CDYL: variants seen among roughly 807,000 people sequenced by gnomAD.
CDYL encodes chromodomain Y-like protein.
A neutral mutation model predicts 47.3 loss-of-function variants in CDYL; 8 were observed. The observed-to-expected ratio is 0.17, with a 90% CI of 0.10 to 0.31. CDYL has a LOEUF of 0.31. Among genes scored for constraint, CDYL ranks in the 10% least tolerant of loss-of-function variants. The probability of loss-of-function intolerance (pLI) is 1.00; values close to 1 mark genes in which losing one functional copy is unlikely to be tolerated. For missense variants in CDYL, 471 were observed against 701.4 expected, an observed-to-expected ratio of 0.67 and a Z score of 3.71; for synonymous variants, 266 against 265.0, an observed-to-expected ratio of 1.00 and a Z score of -0.04.
chr6:4,876,257 T>A (rs1761618269), intron 1 of CDYL, among the ~76,000 whole-genome samples: 1 of 152,240 alleles, frequency 6.6e-6, no homozygotes, highest in East Asian at 1.9e-4. Flanking sequence ...TGAAAACGTG[T>A]GCTGTTTCTA....
chr6:4,770,077 T>C (rs1561842516), intron 3 of CDYL, among the ~76,000 whole-genome samples: 1 of 151,930 alleles, frequency 6.6e-6, no homozygotes, highest in Non-Finnish European at 1.5e-5. Context: ...GACCTCGTGA[T>C]CCACCAGCCT....
At chr6:4,913,689 A>G (rs749720492) in intron 2 of CDYL, among the ~76,000 whole-genome samples, 14 of 152,222 alleles carry the variant, frequency 9.2e-5, no homozygotes, top group Non-Finnish European at 1.9e-4. Flanking sequence ...CGTCTAGTCT[A>G]GGGATCAGCA....
chr6:4,720,043 C>T (rs550381999), intron 2 of CDYL, among the ~76,000 whole-genome samples: 48 of 152,302 alleles, frequency 3.2e-4, no homozygotes, highest in African/African-American at 1.1e-3. Flanking sequence ...ATCTTTACTG[C>T]ATTATTAATC....
rs181036576 is a variant in CDYL, at chr6:4,782,352, C to G, written c.24+5545C>G. On this transcript the variant is annotated intron_variant, in intron 1 of 6. Coordinates refer to ENST00000397588, the MANE Select transcript of CDYL (RefSeq NM_004824.4). ...CAATCGTTGCATAATTGTTGAGTTA[C>G]TTTAATGGAAGAGTGAATTACAGGA... Among the ~76,000 whole-genome samples, 9 of 152,286 alleles carry G rather than the reference C, an allele frequency of 5.9e-5. No homozygotes were observed. In the East Asian group the frequency reaches 1.7e-3, roughly 29 times the overall value.
chr6:4,893,368 C>CCT (rs1186437949), intron 2 of CDYL, among the ~76,000 whole-genome samples: 1 of 152,214 alleles, frequency 6.6e-6, no homozygotes, highest in African/African-American at 2.4e-5. Context: ...CTGGCCCTCT[C>CCT]CTCTCTCTCC....
At chr6:4,840,091 C>T (rs948052786) in intron 1 of CDYL, among the ~76,000 whole-genome samples, 3 of 152,098 alleles carry the variant, frequency 2.0e-5, no homozygotes, top group Non-Finnish European at 4.4e-5. Context: ...TCTATGATTT[C>T]TTTCAGCAGT....
intron 1 of CDYL, among the ~76,000 whole-genome samples, chr6:4,863,858 G>A (rs904277946): frequency 1.2e-4 from 18 of 152,174 alleles, no homozygotes; most frequent in Non-Finnish European, 2.4e-4. Context: ...TCTCAAGCAC[G>A]AGAAGGTCCA....
intron 2 of CDYL, among the ~76,000 whole-genome samples, chr6:4,925,416 T>TTC (rs1323595104): frequency 6.9e-6 from 1 of 144,234 alleles, no homozygotes; most frequent in East Asian, 2.0e-4. Flanking sequence ...TTTCTTTTTT[T>TTC]TTTTTTTTTT....
intron 2 of CDYL, among the ~76,000 whole-genome samples, chr6:4,910,920 A>G (rs1021170783): frequency 8.0e-5 from 12 of 149,866 alleles, no homozygotes; most frequent in African/African-American, 3.0e-4. Context: ...TGCAAGCTCC[A>G]CCTCCCAGGT....
chr6:4,846,016 A>C (rs1367673478), intron 1 of CDYL, among the ~76,000 whole-genome samples: 3 of 152,212 alleles, frequency 2.0e-5, no homozygotes, highest in Admixed American at 2.0e-4. Flanking sequence ...GTATGTGTTT[A>C]ATGTTCAGGA....
At chr6:4,822,982 C>T (rs866459112) in intron 1 of CDYL, among the ~76,000 whole-genome samples, 1 of 152,182 alleles carries the variant, frequency 6.6e-6, no homozygotes, top group South Asian at 2.1e-4. Flanking sequence ...CTGCCCAATT[C>T]CTTCTGTGCT....
intron 1 of CDYL, among the ~76,000 whole-genome samples, chr6:4,813,148 C>T (rs907824543): frequency 6.6e-6 from 1 of 152,238 alleles, no homozygotes; most frequent in Non-Finnish European, 1.5e-5. Context: ...AATTATAGTT[C>T]GTACTTGCTT....
intron 5 of CDYL, among the ~76,000 whole-genome samples, chr6:4,946,122 A>G (rs11964806): frequency 0.078 from 11,805 of 152,174 alleles, 1,461 homozygotes; most frequent in African/African-American, 0.26. Context: ...AGCCTTTGGT[A>G]AGTCAGAGAC....
At chr6:4,817,520 A>G (rs942760637) in intron 1 of CDYL, among the ~76,000 whole-genome samples, 2 of 152,212 alleles carry the variant, frequency 1.3e-5, no homozygotes, top group Non-Finnish European at 2.9e-5. Context: ...GAAAAGTGTT[A>G]TCTTTTAATT....
rs569509587 is a variant in CDYL at position 4,800,785 on chromosome 6, G to T, written c.24+23978G>T. Among the ~76,000 whole-genome samples the T allele has an allele frequency of 3.3e-5, 5 of 152,262 alleles. No homozygotes were observed. In the South Asian group the frequency reaches 1.0e-3, roughly 32 times the overall value. On this transcript the variant is annotated intron_variant, in intron 1 of 6. Transcript: ENST00000397588. ...CTTCAGACTTAAAAGTTTCTAAGGA[G>T]AAGTCTTTGTTCTTATCGTTATTGT... is the stretch of plus-strand genomic sequence containing the variant.
intron 2 of CDYL, among the ~76,000 whole-genome samples, chr6:4,927,428 CGTGTGTGTGTGTGTGTGTGT>C (rs35317751): frequency 7.0e-6 from 1 of 142,458 alleles, no homozygotes; most frequent in African/African-American, 2.7e-5. Flanking sequence ...ATTTACTGTA[CGTGTGTGTGTGTGTGTGTGT>C]GTGTGTGTGT....
Position 4,727,349 on chromosome 6 carries a change from C to T in CDYL, c.104-7413C>T, listed in dbSNP as rs1048893299. Among the ~76,000 whole-genome samples, 52 of 152,240 alleles carry T rather than the reference C, an allele frequency of 3.4e-4. 1 individual carries two copies. The highest frequency in any genetic ancestry group is 1.3e-3 in the African/African-American group (52 of 41,520). The stretch of plus-strand genomic sequence containing the variant: ...AAGCTCATGGATGTATGCAGAGGAA[C>T]TTAAGAACTCCTCTCAAACACTGTA... On this transcript the variant is annotated intron_variant, in intron 2 of 8. Transcript: ENST00000328908.
At position 4,927,431 on chromosome 6, in the gene CDYL, G is replaced by A. The variant is rs200071906; in HGVS notation, c.692-8084G>A. 8.3e-4 allele frequency among the ~76,000 whole-genome samples: 42 copies of A among 50,710 alleles called. No homozygotes were observed. The East Asian group carries it at 0.084, about 102-fold the overall frequency. 33.3% of individuals were successfully genotyped at this position (50,710 alleles called of 152,430 possible). A position where few individuals can be genotyped will look rare whatever the true frequency, so the allele number is the denominator to read the frequency against. On this transcript the variant is annotated intron_variant, in intron 2 of 6. Coordinates refer to ENST00000397588, the MANE Select transcript of CDYL (RefSeq NM_004824.4). ...TCCATCATTCGAATTTACTGTACGTGTGTGTGTGTGTGTGTGTGTGTGTGT... is the reference window on the plus strand; with the variant it reads ...TCCATCATTCGAATTTACTGTACGTATGTGTGTGTGTGTGTGTGTGTGTGT...
At chr6:4,931,565 G>C (rs1003239137) in intron 2 of CDYL, among the ~76,000 whole-genome samples, 5 of 152,170 alleles carry the variant, frequency 3.3e-5, no homozygotes, top group African/African-American at 1.2e-4. Context: ...TGATTGTCTT[G>C]AGTAGGGGGC....
Sources: gnomAD v4.1 joint callset for allele counts (sites outside exome capture counted in the v4.1 genomes callset) on GRCh38, gnomAD v4.1.1 for gene constraint, MANE v1.5 for transcripts, NCBI Gene and HGNC (gene_info 2026-07-23, HGNC 2026-07-21) for gene names.